The following RBMS3 variants were observed in gnomAD, a reference collection of about 807,000 sequenced individuals.
RBMS3 encodes RNA-binding motif, single-stranded-interacting protein 3.
A neutral mutation model predicts 66.8 loss-of-function variants in RBMS3; 27 were observed. The observed-to-expected ratio is 0.40, with a 90% confidence interval of 0.30 to 0.56. The LOEUF (loss-of-function observed/expected upper bound fraction) is 0.56. Ranked by LOEUF, RBMS3 falls within the 20% of genes least tolerant of loss-of-function variation. The pLI is 0.40. For synonymous variants in RBMS3, 188 were observed against 183.0 expected, an observed-to-expected ratio of 1.03 and a Z score of -0.22; for missense variants, 513 against 549.5, an observed-to-expected ratio of 0.93 and a Z score of 0.66.
At chr3:29,814,409 C>T (rs917048399) in intron 6 of RBMS3, among the ~76,000 whole-genome samples, 52 of 152,096 alleles carry the variant, frequency 3.4e-4, no homozygotes, top group African/African-American at 1.2e-3. Flanking sequence ...ATTTTTGCAT[C>T]GATGTTCATC....
At chr3:29,493,261 A>G (rs2043618168) in intron 3 of RBMS3, among the ~76,000 whole-genome samples, 1 of 152,200 alleles carries the variant, frequency 6.6e-6, no homozygotes, top group African/African-American at 2.4e-5. Context: ...TGTACACTGA[A>G]CATGGAGCTA....
At chr3:29,491,009 G>GT (rs1158323897) in intron 3 of RBMS3, among the ~76,000 whole-genome samples, 1 of 152,184 alleles carries the variant, frequency 6.6e-6, no homozygotes, top group Non-Finnish European at 1.5e-5. Context: ...CTTATGCAGA[G>GT]TTTTGCTCAA....
rs141644493 is a variant in RBMS3, at chr3:29,473,014, C to T, written c.249-15427C>T. ...CTAGACACAAAGGTTCTCCACGTCC[C>T]CATCAGAGTAGCTAGATACAGAGTG... On this transcript the variant is annotated intron_variant, in intron 2 of 14. Transcript: ENST00000383767. Among the ~76,000 whole-genome samples the T allele has an allele frequency of 1.8e-3, 267 of 151,288 alleles. 7 individuals are homozygous for T. Among genetic ancestry groups the T allele is most frequent in the African/African-American group, 6.0e-3 (245 of 41,036 alleles).
chr3:29,791,161 A>G (rs1483382969), intron 6 of RBMS3, among the ~76,000 whole-genome samples: 7 of 152,226 alleles, frequency 4.6e-5, no homozygotes, highest in Admixed American at 2.6e-4. Context: ...GTTCTCATAC[A>G]TAAGTGGGGT....
rs868512988 is a variant in RBMS3, at chr3:29,775,478, G to A, written c.637+12489G>A. 2.0e-5 allele frequency among the ~76,000 whole-genome samples: 3 copies of A among 152,080 alleles called. No individual in the cohort carries two copies. The Middle Eastern group carries it at 0.01, about 517-fold the overall frequency. On this transcript the variant is annotated intron_variant, in intron 6 of 14. Transcript: ENST00000383767. ...GTGGCATGCTGCAATTGTGGGAATG[G>A]AATTATGTGAATTTGTGAGTAGCAT...
Position 29,899,582 on chromosome 3 carries a change from C to A in RBMS3, c.889-123C>A, listed in dbSNP as rs562645536. ...TTCCCTTTTTACCCTTGGTTTTGAG[C>A]ACGAATTAACTGTAAAGTCAGGTGG... On this transcript the variant is annotated intron_variant, in intron 9 of 14. Coordinates refer to ENST00000383767, the MANE Select transcript of RBMS3 (RefSeq NM_001003793.3). The A allele has an allele frequency of 6.3e-5, 46 of 731,842 alleles. 2 individuals carry two copies. The African/African-American group carries it at 7.4e-4, about 12-fold the overall frequency. The allele number at this position is 731,842 out of a possible 1,614,324, so 45.3% of individuals were successfully genotyped here. A position where few individuals can be genotyped will look rare whatever the true frequency, so the allele number is the denominator to read the frequency against.
rs895452611 is a variant in RBMS3 at position 29,899,593 on chromosome 3, T to G, written c.889-112T>G. 1.5e-5 allele frequency: 13 copies of G among 850,200 alleles called. 1 individual carries two copies. The Admixed American group carries it at 2.9e-4, about 19-fold the overall frequency. 52.7% of individuals were successfully genotyped at this position (850,200 alleles called of 1,614,324 possible). ...CCCTTGGTTTTGAGCACGAATTAAC[T>G]GTAAAGTCAGGTGGACTCCACTTTC... On this transcript the variant is annotated intron_variant, in intron 9 of 14. Transcript: ENST00000383767.
intron 4 of RBMS3, 22 bp downstream of exon 4, chr3:29,587,227 G>A: frequency 4.7e-6 from 1 of 212,120 alleles, no homozygotes; most frequent in Non-Finnish European, 6.8e-6. Context: ...GTTTAGGGGT[G>A]TTTTTTTTTT....
At chr3:29,598,050 T>C (rs1452281918) in intron 4 of RBMS3, among the ~76,000 whole-genome samples, 1 of 152,122 alleles carries the variant, frequency 6.6e-6, no homozygotes, top group African/African-American at 2.4e-5. Flanking sequence ...TTAAAAAATA[T>C]AAATCACACT....
chr3:29,773,196 C>G (rs899925367), intron 6 of RBMS3, among the ~76,000 whole-genome samples: 4 of 151,918 alleles, frequency 2.6e-5, no homozygotes, highest in Admixed American at 2.0e-4. Context: ...ATGCTCACAC[C>G]CCTACTCATT....
intron 1 of RBMS3, among the ~76,000 whole-genome samples, chr3:29,421,059 GCTA>G (rs1299557451): frequency 6.6e-6 from 1 of 151,860 alleles, no homozygotes; most frequent in Non-Finnish European, 1.5e-5. Context: ...CTTGCAGTGA[GCTA>G]AGATCGCGCC....
intron 1 of RBMS3, chr3:29,391,032 G>A (rs2039269649): frequency 1.0e-5 from 4 of 392,518 alleles, no homozygotes; most frequent in Middle Eastern, 9.8e-4. Flanking sequence ...TGTATGTCAA[G>A]TTGGTGGAGG....
At chr3:29,883,867 A>G (rs1472075295) in intron 7 of RBMS3, among the ~76,000 whole-genome samples, 1 of 152,040 alleles carries the variant, frequency 6.6e-6, no homozygotes, top group Non-Finnish European at 1.5e-5. Flanking sequence ...GTGTGAAATT[A>G]TAACAATGTG....
At chr3:29,538,912 A>T (rs538506105) in intron 3 of RBMS3, among the ~76,000 whole-genome samples, 1 of 152,328 alleles carries the variant, frequency 6.6e-6, no homozygotes, top group Admixed American at 6.5e-5. Flanking sequence ...ATTACATGAT[A>T]AAATATATGT....
At position 29,488,454 on chromosome 3, in the gene RBMS3, G is replaced by A; in HGVS notation, c.262G>A (p.Val88Ile). The change falls in exon 3 of 15, where the codon GTA (valine) becomes ATA (isoleucine). Residue 88 changes from valine (V) to isoleucine (I), a missense_variant. By Grantham distance (29) the Val-to-Ile change is conservative. Coordinates refer to ENST00000383767, the MANE Select transcript of RBMS3 (RefSeq NM_001003793.3). ...IKLCQPYGKI[V>I]STKAILDKNT... ...TCTCTCTTTCAGGTATGGAAAAATT[G>A]TATCTACAAAGGCAATTCTTGACAA... 1 of 1,609,692 alleles carries A rather than the reference G, an allele frequency of 6.2e-7. No individual in the cohort carries two copies. Among genetic ancestry groups the A allele is most frequent in the Non-Finnish European group, 8.5e-7 (1 of 1,176,416 alleles).
chr3:29,865,480 A>G (rs747507021), intron 6 of RBMS3, among the ~76,000 whole-genome samples: 1 of 152,352 alleles, frequency 6.6e-6, no homozygotes, highest in Non-Finnish European at 1.5e-5. Context: ...TTCTGTAGCC[A>G]CTGGTCAATG....
Position 29,897,477 on chromosome 3 carries a change from T to C in RBMS3, c.888+2T>C. ...GCTTCCCCTGTCTCCACATACCAGGTATGTCCAATTTACCTGCACCTTAGG... is the reference window on the plus strand; with the variant it reads ...GCTTCCCCTGTCTCCACATACCAGGCATGTCCAATTTACCTGCACCTTAGG... On this transcript the variant is annotated splice_donor_variant, in intron 9 of 14. Coordinates refer to ENST00000383767, the MANE Select transcript of RBMS3 (RefSeq NM_001003793.3). LOFTEE classifies it high-confidence loss of function. The C allele has an allele frequency of 6.2e-7, 1 of 1,607,752 alleles. No homozygotes were observed. Among genetic ancestry groups the C allele is most frequent in the Non-Finnish European group, 8.5e-7 (1 of 1,175,030 alleles).
chr3:29,388,119 G>T (rs1465154064), intron 1 of RBMS3, among the ~76,000 whole-genome samples: 2 of 150,994 alleles, frequency 1.3e-5, no homozygotes, highest in Non-Finnish European at 3.0e-5. Context: ...ACATGTGTGT[G>T]TATGTATATA....
At chr3:29,552,534 A>C (rs1016963323) in intron 3 of RBMS3, among the ~76,000 whole-genome samples, 2 of 152,196 alleles carry the variant, frequency 1.3e-5, no homozygotes, top group Admixed American at 1.3e-4. Context: ...AAACACACTG[A>C]GCATAAATTT....
Sources: gnomAD v4.1 joint callset for allele counts (sites outside exome capture counted in the v4.1 genomes callset) on GRCh38, gnomAD v4.1.1 for gene constraint, MANE v1.5 for transcripts, NCBI Gene and HGNC (gene_info 2026-07-23, HGNC 2026-07-21) for gene names.